The following PCDHGB3 variants were observed in gnomAD, a reference collection of about 807,000 sequenced individuals.
PCDHGB3 encodes the protein protocadherin gamma-B3.
A neutral mutation model predicts 59.2 loss-of-function variants in PCDHGB3; 40 were observed. The observed-to-expected ratio is 0.68, with a 90% CI of 0.52 to 0.88. The LOEUF (loss-of-function observed/expected upper bound fraction) is 0.88. PCDHGB3 is among the 40% of genes least tolerant of loss of function. The probability of loss-of-function intolerance (pLI) is 0.00; values close to 1 mark genes in which losing one functional copy is unlikely to be tolerated. For missense variants in PCDHGB3, 1,309 were observed against 1,187.9 expected (o/e 1.10, Z -1.50); for synonymous variants, 581 against 503.6 (o/e 1.15, Z -2.06).
At chr5:141,408,901 G>T (rs529239605) in intron 1 of PCDHGB3, 2 of 1,613,100 alleles carry the variant, frequency 1.2e-6, no homozygotes, top group African/African-American at 2.7e-5. Flanking sequence ...TTTCTGTCAA[G>T]GATACCAATG....
At chr5:141,382,798 A>C in intron 1 of PCDHGB3, 2 of 1,017,066 alleles carry the variant, frequency 2.0e-6, no homozygotes, top group Admixed American at 2.4e-5. Context: ...ATCCTGCTGG[A>C]TTCTGAGCTC....
In PCDHGB3 at chr5:141,505,466, T is replaced by C. The variant is rs763151131; in HGVS notation, c.2548T>C (p.Leu850=). 1 of 1,614,200 alleles carries C rather than the reference T, an allele frequency of 6.2e-7. No individual in the cohort carries two copies. The highest frequency in any genetic ancestry group is 1.3e-5 in the African/African-American group (1 of 75,068). The part of the protein sequence containing the change: ...FDTEMLQAMI[L]ASASEAADGS... Reference sequence around the variant, plus strand: ...CACAGAGATGCTGCAAGCCATGATCTTGGCGTCCGCCAGTGGTAAGTGGTG... The same window carrying C: ...CACAGAGATGCTGCAAGCCATGATCCTGGCGTCCGCCAGTGGTAAGTGGTG... The change falls in exon 3 of 4, where the codon TTG becomes CTG. Residue 850 remains leucine, a synonymous_variant. Transcript: ENST00000576222.
At position 141,383,195 on chromosome 5, in the gene PCDHGB3, G is replaced by A. The variant is rs765730698; in HGVS notation, c.2415+10386G>A. On this transcript the variant is annotated intron_variant, in intron 1 of 3. Transcript: ENST00000576222. ...GACCGGGAAGAGATCTGCGCTCAGA[G>A]TGCGCGGTGTCTGGTAAACTTTAAC... 18 of 1,614,044 alleles carry A rather than the reference G, an allele frequency of 1.1e-5. No homozygotes were observed. Among genetic ancestry groups the A allele is most frequent in the Non-Finnish European group, 1.5e-5 (18 of 1,179,940 alleles).
At chr5:141,421,789 G>A (rs756677817) in intron 1 of PCDHGB3, 5 of 1,613,830 alleles carry the variant, frequency 3.1e-6, no homozygotes, top group East Asian at 2.2e-5. Context: ...GGGCAGAACG[G>A]ATGGGGCCAA....
intron 1 of PCDHGB3, chr5:141,417,260 G>A (rs1362206061): frequency 1.3e-5 from 2 of 152,174 alleles, no homozygotes; most frequent in Non-Finnish European, 2.9e-5. Context: ...CAGCTTCATA[G>A]ATAATTACTC....
intron 1 of PCDHGB3, among the ~76,000 whole-genome samples, chr5:141,435,710 C>T (rs1033703743): frequency 1.3e-5 from 2 of 152,148 alleles, no homozygotes; most frequent in Admixed American, 6.5e-5. Flanking sequence ...TGGTTACAGA[C>T]ACTGAATGCT....
At chr5:141,408,059 C>T in intron 1 of PCDHGB3, 1 of 1,317,324 alleles carries the variant, frequency 7.6e-7, no homozygotes, top group Non-Finnish European at 1.0e-6. Flanking sequence ...AGCCTCCCGG[C>T]TGCGCAGACC....
At chr5:141,395,545 TGTGTGTGTGTGTG>T (rs1440813594) in intron 1 of PCDHGB3, 2 of 174,840 alleles carry the variant, frequency 1.1e-5, no homozygotes, top group Admixed American at 1.3e-4. Flanking sequence ...CTATTGTTTG[TGTGTGTGTGTGTG>T]TGTGTGTGTG....
chr5:141,408,463 G>T, intron 1 of PCDHGB3: 1 of 1,614,014 alleles, frequency 6.2e-7, no homozygotes, highest in Non-Finnish European at 8.5e-7. Context: ...TACTTGTGAA[G>T]AACCGAATAG....
intron 1 of PCDHGB3, among the ~76,000 whole-genome samples, chr5:141,445,441 C>G (rs1201825256): frequency 6.6e-6 from 1 of 152,152 alleles, no homozygotes; most frequent in East Asian, 1.9e-4. Context: ...GACCTATGGA[C>G]TAAGGATGCA....
intron 1 of PCDHGB3, among the ~76,000 whole-genome samples, chr5:141,465,368 A>C (rs940928815): frequency 1.3e-5 from 2 of 152,114 alleles, no homozygotes; most frequent in Admixed American, 6.6e-5. Flanking sequence ...TGCCCTTTAA[A>C]GTTGTAAGAT....
chr5:141,458,059 T>A (rs533147047), intron 1 of PCDHGB3, among the ~76,000 whole-genome samples: 1 of 152,238 alleles, frequency 6.6e-6, no homozygotes, highest in Admixed American at 6.5e-5. Flanking sequence ...CTTGCTGCAC[T>A]GATGCGAACA....
chr5:141,447,329 G>A (rs1328071539), intron 1 of PCDHGB3, among the ~76,000 whole-genome samples: 6 of 151,732 alleles, frequency 4.0e-5, no homozygotes, highest in Admixed American at 1.3e-4. Context: ...TAGTAGAGAC[G>A]GGTTTCATCA....
intron 1 of PCDHGB3, among the ~76,000 whole-genome samples, chr5:141,474,294 G>A (rs535055214): frequency 1.3e-5 from 2 of 152,296 alleles, no homozygotes; most frequent in African/African-American, 4.8e-5. Context: ...CTAGATCAGT[G>A]CTTGTCAAAC....
At chr5:141,394,332 A>G (rs1270394666) in intron 1 of PCDHGB3, 2 of 1,614,010 alleles carry the variant, frequency 1.2e-6, no homozygotes, top group Admixed American at 1.7e-5. Context: ...GTATATCTCC[A>G]TCAACTCTGA....
At chr5:141,400,302 T>A (rs7701363) in intron 1 of PCDHGB3, 1 of 1,614,082 alleles carries the variant, frequency 6.2e-7, no homozygotes, top group African/African-American at 1.3e-5. Context: ...GCTTCCAACC[T>A]GGTCTCTGTG....
intron 1 of PCDHGB3, chr5:141,415,324 G>A (rs2095854761): frequency 1.9e-6 from 3 of 1,614,108 alleles, no homozygotes; most frequent in African/African-American, 2.7e-5. Flanking sequence ...CGTGCTGCTG[G>A]CGCACAGGCT....
chr5:141,501,025 C>T (rs999221755), intron 2 of PCDHGB3, among the ~76,000 whole-genome samples: 94 of 152,100 alleles, frequency 6.2e-4, no homozygotes, highest in East Asian at 1.9e-3. Flanking sequence ...CGCGCCACCA[C>T]GCCCAGCTAA....
chr5:141,398,831 C>G (rs1488126013), intron 1 of PCDHGB3: 13 of 1,614,014 alleles, frequency 8.1e-6, no homozygotes, highest in Non-Finnish European at 1.1e-5. Context: ...GTAACCGACG[C>G]CAATGATAAT....
Sources: gnomAD v4.1 joint callset for allele counts (sites outside exome capture counted in the v4.1 genomes callset) on GRCh38, gnomAD v4.1.1 for gene constraint, MANE v1.5 for transcripts, NCBI Gene and HGNC (gene_info 2026-07-23, HGNC 2026-07-21) for gene names.